PTPRT: variants seen among roughly 807,000 people sequenced by gnomAD.
The protein encoded by PTPRT is protein tyrosine phosphatase receptor type T.
A neutral mutation model predicts 176.8 loss-of-function variants in PTPRT; 56 were observed. That is an observed-to-expected ratio of 0.32 (90% CI 0.26 to 0.40). PTPRT has a LOEUF of 0.40. PTPRT is among the 10% of genes least tolerant of loss of function. The pLI, the probability that PTPRT is intolerant of heterozygous loss-of-function variation, is 1.00. For missense variants in PTPRT, 1,540 were observed against 1,908.2 expected (o/e 0.81, Z 3.60); for synonymous variants, 783 against 739.0 (o/e 1.06, Z -0.96).
intron 7 of PTPRT, among the ~76,000 whole-genome samples, chr20:42,676,396 G>A (rs900759614): frequency 6.6e-6 from 1 of 152,054 alleles, no homozygotes; most frequent in Non-Finnish European, 1.5e-5. Context: ...CTTGCTGTTT[G>A]TTCCATGGTT....
At chr20:42,106,645 C>G in intron 24 of PTPRT, 141 bp downstream of exon 24, 1 of 1,141,846 alleles carries the variant, frequency 8.8e-7, no homozygotes, top group South Asian at 1.7e-5. Context: ...TAGTAAGCCA[C>G]GTGTCTACTC....
At chr20:42,801,224 C>A (rs1251352901) in intron 2 of PTPRT, among the ~76,000 whole-genome samples, 1 of 152,182 alleles carries the variant, frequency 6.6e-6, no homozygotes, top group African/African-American at 2.4e-5. Context: ...GCCCATGCTG[C>A]AAGCACTGAA....
intron 6 of PTPRT, among the ~76,000 whole-genome samples, chr20:42,740,577 G>A (rs2076594312): frequency 6.6e-6 from 1 of 152,224 alleles, no homozygotes; most frequent in Non-Finnish European, 1.5e-5. Context: ...CTGAGGCAAT[G>A]GCAAAATCCA....
chr20:42,046,588 C>G, the PTPRT span, among the ~76,000 whole-genome samples: 2 of 152,204 alleles, frequency 1.3e-5, no homozygotes, highest in East Asian at 3.9e-4. Flanking sequence ...AAACGACTTA[C>G]AGTGGGGACC....
intron 7 of PTPRT, among the ~76,000 whole-genome samples, chr20:42,515,315 T>A (rs2072040520): frequency 6.6e-6 from 1 of 152,144 alleles, no homozygotes; most frequent in Non-Finnish European, 1.5e-5. Context: ...AAACCCCATC[T>A]CTACTAAAAT....
In PTPRT at chr20:42,975,174, A is replaced by G. The variant is rs1982876749; in HGVS notation, c.89-89242T>C. 3.9e-5 allele frequency among the ~76,000 whole-genome samples: 6 copies of G among 152,362 alleles called. No homozygotes were observed. The South Asian group carries it at 1.2e-3, about 32-fold the overall frequency. On this transcript the variant is annotated intron_variant, in intron 1 of 30. Coordinates refer to ENST00000373187, the MANE Select transcript of PTPRT (RefSeq NM_007050.6). ...AATGTTGTTTTCCATTGCTTTGAAAATAATTGAAATGAAAAACTATCTAAT... is the reference window on the plus strand; with the variant it reads ...AATGTTGTTTTCCATTGCTTTGAAAGTAATTGAAATGAAAAACTATCTAAT...
At chr20:43,111,246 A>T (rs1418220647) in intron 1 of PTPRT, among the ~76,000 whole-genome samples, 1 of 152,060 alleles carries the variant, frequency 6.6e-6, no homozygotes. Context: ...ACTCCTCAAG[A>T]ATGGTCACAT....
intron 1 of PTPRT, among the ~76,000 whole-genome samples, chr20:43,032,964 G>A (rs1334272343): frequency 6.6e-6 from 1 of 152,170 alleles, no homozygotes. Context: ...TAAAATTTAT[G>A]CCAAGCCATT....
At chr20:42,819,239 C>A (rs959876861) in intron 2 of PTPRT, among the ~76,000 whole-genome samples, 2 of 152,036 alleles carry the variant, frequency 1.3e-5, no homozygotes, top group Non-Finnish European at 2.9e-5. Flanking sequence ...AGATTGGGGG[C>A]CAATATTCAA....
rs11424029 is a variant in PTPRT at position 43,111,546 on chromosome 20, GAAAA to G, written c.88+78096_88+78099del. On this transcript the variant is annotated intron_variant, in intron 1 of 30. Coordinates refer to ENST00000373187, the MANE Select transcript of PTPRT (RefSeq NM_007050.6). ...GGGACAGAGCGAGACTCCGTCTCAG[GAAAA>G]AAAAAAAAAAAAAAAAAAAGAATGG... is the stretch of plus-strand genomic sequence containing the variant. 9.6e-5 allele frequency among the ~76,000 whole-genome samples: 8 copies of G among 83,456 alleles called. No individual in the cohort carries two copies. In the East Asian group the frequency reaches 1.0e-3, roughly 11 times the overall value. 54.8% of individuals were successfully genotyped at this position (83,456 alleles called of 152,430 possible). A position where few individuals can be genotyped will look rare whatever the true frequency, so the allele number is the denominator to read the frequency against.
At chr20:42,795,992 G>C (rs1206947023) in intron 2 of PTPRT, among the ~76,000 whole-genome samples, 1 of 152,192 alleles carries the variant, frequency 6.6e-6, no homozygotes, top group Non-Finnish European at 1.5e-5. Context: ...TATGTGCCAG[G>C]CATTGATCTA....
intron 4 of PTPRT, among the ~76,000 whole-genome samples, chr20:42,775,803 T>C (rs1028155012): frequency 5.3e-5 from 8 of 152,202 alleles, no homozygotes; most frequent in South Asian, 4.1e-4. Context: ...CATATGTTAA[T>C]AGAAAATATG....
intron 1 of PTPRT, among the ~76,000 whole-genome samples, chr20:43,007,848 C>T (rs1984930784): frequency 6.6e-6 from 1 of 152,206 alleles, no homozygotes; most frequent in South Asian, 2.1e-4. Context: ...CTTACCAGCT[C>T]TGTGACCTTG....
At chr20:42,201,638 C>T (rs1459387632) in intron 15 of PTPRT, among the ~76,000 whole-genome samples, 2 of 148,214 alleles carry the variant, frequency 1.3e-5, no homozygotes, top group Non-Finnish European at 3.0e-5. Flanking sequence ...AAGAAGAGAG[C>T]TGTGAAAAGG....
At chr20:42,704,002 C>T (rs2076013191) in intron 6 of PTPRT, among the ~76,000 whole-genome samples, 1 of 152,092 alleles carries the variant, frequency 6.6e-6, no homozygotes, top group African/African-American at 2.4e-5. Context: ...CATTCTGTAG[C>T]CACAGTGAAG....
intron 7 of PTPRT, among the ~76,000 whole-genome samples, chr20:42,534,642 G>C (rs1207203082): frequency 6.6e-6 from 1 of 151,764 alleles, no homozygotes; most frequent in East Asian, 1.9e-4. Context: ...TCTCAAAAAA[G>C]AAAAAAAGAT....
chr20:43,007,298 G>T (rs547864356), intron 1 of PTPRT, among the ~76,000 whole-genome samples: 1 of 152,180 alleles, frequency 6.6e-6, no homozygotes, highest in Non-Finnish European at 1.5e-5. Context: ...TCTGATTTTT[G>T]ATGTGGAAAC....
intron 11 of PTPRT, among the ~76,000 whole-genome samples, chr20:42,339,937 T>G (rs1217761912): frequency 6.6e-6 from 1 of 152,174 alleles, no homozygotes; most frequent in Non-Finnish European, 1.5e-5. Context: ...TGCTCATCTC[T>G]TATGATAGGA....
At chr20:42,697,209 A>G (rs914914050) in intron 6 of PTPRT, among the ~76,000 whole-genome samples, 1 of 152,228 alleles carries the variant, frequency 6.6e-6, no homozygotes, top group African/African-American at 2.4e-5. Context: ...TTGAAGGTGA[A>G]GCTTAGAAAG....
Sources: allele counts gnomAD v4.1 joint callset (sites outside exome capture counted in the v4.1 genomes callset), GRCh38; gene constraint gnomAD v4.1.1; transcripts MANE v1.5; gene names NCBI Gene and HGNC (gene_info 2026-07-23, HGNC 2026-07-21).